The following DDX60L variants were observed in gnomAD, a reference collection of about 807,000 sequenced individuals.
DDX60L encodes the protein probable ATP-dependent RNA helicase DDX60-like.
DDX60L carries 191 observed loss-of-function variants against 211.6 expected under a neutral mutation model. The observed-to-expected ratio is 0.90, with a 90% CI of 0.80 to 1.02. The LOEUF (loss-of-function observed/expected upper bound fraction) is 1.02, where lower values mean the gene tolerates loss of function less well. DDX60L is among the 50% of genes least tolerant of loss of function. DDX60L has a pLI of 0.00. For synonymous variants in DDX60L, 706 were observed against 694.1 expected, an observed-to-expected ratio of 1.02 and a Z score of -0.27; for missense variants, 2,007 against 1,984.1, an observed-to-expected ratio of 1.01 and a Z score of -0.22.
intron 26 of DDX60L, among the ~76,000 whole-genome samples, chr4:168,398,120 G>A (rs529320530): frequency 2.0e-5 from 3 of 152,234 alleles, no homozygotes; most frequent in Admixed American, 6.5e-5. Flanking sequence ...CACACTCTCG[G>A]GGGCCCAGGA....
chr4:168,424,258 C>T (rs1751121489), intron 14 of DDX60L, among the ~76,000 whole-genome samples: 1 of 152,156 alleles, frequency 6.6e-6, no homozygotes, highest in Admixed American at 6.5e-5. Context: ...TCAGCAGAAC[C>T]CTTCAATTAT....
chr4:168,391,966 TC>T (rs760958802), intron 28 of DDX60L, among the ~76,000 whole-genome samples: 55 of 152,278 alleles, frequency 3.6e-4, no homozygotes, highest in African/African-American at 1.3e-3. Flanking sequence ...TGTTTACTTG[TC>T]CCCCCAAGAC....
intron 29 of DDX60L, chr4:168,390,061 G>A: frequency 1.2e-6 from 1 of 864,322 alleles, no homozygotes; most frequent in Non-Finnish European, 1.4e-6. Flanking sequence ...TTCCCAGAAA[G>A]GTCTGCCACC....
chr4:168,437,353 T>C (rs190246534), intron 10 of DDX60L, among the ~76,000 whole-genome samples: 1 of 152,110 alleles, frequency 6.6e-6, no homozygotes, highest in East Asian at 1.9e-4. Flanking sequence ...GAACACTATG[T>C]AAAGGTAGAG....
At chr4:168,469,728 A>G (rs894086595) in intron 4 of DDX60L, 71 of 152,218 alleles carry the variant, frequency 4.7e-4, no homozygotes, top group African/African-American at 1.6e-3. Context: ...ATACAAAAAA[A>G]TTAGCCGGGC....
rs1371840302 is a variant in DDX60L, at chr4:168,472,464, G to A, written c.65C>T (p.Pro22Leu). Residue 22 changes from proline to leucine, a missense_variant, in exon 3 of 38, where the codon CCA becomes CTA. Transcript: ENST00000682922. ...ACTTCACAGTACTTACCCAGCTTTTGGCATTTCATTCAAAATTAACTGTGT... is the reference window on the plus strand; with the variant it reads ...ACTTCACAGTACTTACCCAGCTTTTAGCATTTCATTCAAAATTAACTGTGT... ...EMTQLILNEM[P>L]KAGYSSILND... 1 of 1,563,424 alleles carries A rather than the reference G, an allele frequency of 6.4e-7. No homozygotes were observed. The highest frequency in any genetic ancestry group is 8.7e-7 in the Non-Finnish European group (1 of 1,152,586).
At chr4:168,375,310 A>T in intron 34 of DDX60L, 67 bp downstream of exon 34, 1 of 1,514,632 alleles carries the variant, frequency 6.6e-7, no homozygotes, top group South Asian at 1.2e-5. Context: ...TCCAATATCC[A>T]GAGGCTTTCT....
intron 7 of DDX60L, 76 bp downstream of exon 7, chr4:168,455,963 G>T: frequency 5.1e-6 from 5 of 983,570 alleles, no homozygotes; most frequent in Non-Finnish European, 7.4e-6. Flanking sequence ...AGAACCTGAT[G>T]CCACCAGTGA....
intron 30 of DDX60L, among the ~76,000 whole-genome samples, chr4:168,382,977 C>T (rs757581764): frequency 1.3e-5 from 2 of 152,182 alleles, no homozygotes; most frequent in Non-Finnish European, 2.9e-5. Flanking sequence ...CTTGCATTAA[C>T]TATAATTTAT....
intron 1 of DDX60L, among the ~76,000 whole-genome samples, chr4:168,478,974 C>T (rs977383858): frequency 6.6e-6 from 1 of 152,192 alleles, no homozygotes; most frequent in Non-Finnish European, 1.5e-5. Flanking sequence ...TATCATACAG[C>T]AATTACTAAG....
At chr4:168,403,600 A>G (rs1160864371) in intron 25 of DDX60L, among the ~76,000 whole-genome samples, 4 of 152,210 alleles carry the variant, frequency 2.6e-5, no homozygotes, top group Admixed American at 6.5e-5. Context: ...GCTATAAATT[A>G]AAAACCAAAC....
intron 29 of DDX60L, among the ~76,000 whole-genome samples, chr4:168,388,272 T>G (rs1030663340): frequency 6.6e-6 from 1 of 152,166 alleles, no homozygotes; most frequent in African/African-American, 2.4e-5. Flanking sequence ...GGGCTAGGAT[T>G]TCAATCAGGG....
Position 168,427,136 on chromosome 4 carries a change from A to C in DDX60L, c.1864T>G (p.Phe622Val). The C allele has an allele frequency of 6.2e-7, 1 of 1,609,254 alleles. No individual in the cohort carries two copies. The highest frequency in any genetic ancestry group is 8.5e-7 in the Non-Finnish European group (1 of 1,177,098). The change falls in exon 14 of 38, where the codon TTT becomes GTT. Residue 622 changes from phenylalanine (F) to valine (V), a missense_variant. By Grantham distance (50) the Phe-to-Val change is conservative. Transcript: ENST00000682922. ...ATTAATCCTAACATTTCAACTCCAA[A>C]TTTCACTGAATTACTTGCACATGAT... ...LTSCASNSVK[F>V]GVEMLGLIAC...
chr4:168,443,592 C>G lies in DDX60L; in HGVS notation c.1139-2100G>C, dbSNP rs375667791. 5.4e-3 allele frequency among the ~76,000 whole-genome samples: 819 copies of G among 151,980 alleles called. 3 individuals are homozygous for G. Among genetic ancestry groups the G allele is most frequent in the Non-Finnish European group, 4.0e-3 (272 of 67,976 alleles). Reference sequence around the variant, plus strand: ...CATAATTGTCAGATTCACCAAAGTTCAAATGAAGGAAAAAATGTTAAGGGC... The same window carrying G: ...CATAATTGTCAGATTCACCAAAGTTGAAATGAAGGAAAAAATGTTAAGGGC... On this transcript the variant is annotated intron_variant, in intron 9 of 37. Transcript: ENST00000682922.
intron 6 of DDX60L, 98 bp from the exon 7 acceptor site, chr4:168,456,250 T>C: frequency 3.2e-6 from 2 of 618,296 alleles, no homozygotes; most frequent in East Asian, 6.9e-5. Context: ...AAAACGATTG[T>C]ATAGATTTGA....
chr4:168,458,988 T>C (rs1267067586), intron 5 of DDX60L, among the ~76,000 whole-genome samples: 3 of 152,152 alleles, frequency 2.0e-5, no homozygotes, highest in Non-Finnish European at 2.9e-5. Flanking sequence ...CTTGGTATTA[T>C]GGAGCTTTCA....
chr4:168,391,517 G>A, intron 29 of DDX60L, 23 bp downstream of exon 29: 1 of 1,428,496 alleles, frequency 7.0e-7, no homozygotes, highest in Admixed American at 1.8e-5. Context: ...TCAGCAATGG[G>A]AGTTAAAGAG....
At chr4:168,378,723 A>G (rs749934345) in intron 32 of DDX60L, among the ~76,000 whole-genome samples, 1 of 152,066 alleles carries the variant, frequency 6.6e-6, no homozygotes, top group Non-Finnish European at 1.5e-5. Flanking sequence ...CCACCCCAGA[A>G]TGTTTACTAA....
intron 30 of DDX60L, among the ~76,000 whole-genome samples, chr4:168,384,251 A>T (rs1028992782): frequency 6.6e-6 from 1 of 152,136 alleles, no homozygotes; most frequent in Non-Finnish European, 1.5e-5. Context: ...ACCCTAATAC[A>T]GTGGGTGGAT....
Sources: allele counts gnomAD v4.1 joint callset (sites outside exome capture counted in the v4.1 genomes callset), GRCh38; gene constraint gnomAD v4.1.1; transcripts MANE v1.5; gene names NCBI Gene and HGNC (gene_info 2026-07-23, HGNC 2026-07-21).